ZNF430: variants seen among roughly 807,000 people sequenced by gnomAD.
ZNF430 encodes the protein zinc finger protein 430.
Under a neutral mutation model 56.7 loss-of-function variants are expected in ZNF430, and 35 were observed. The observed-to-expected ratio is 0.62, with a 90% CI of 0.47 to 0.82. The LOEUF is 0.82. Among genes scored for constraint, ZNF430 ranks in the 40% least tolerant of loss-of-function variants. The pLI is 0.00. For missense variants in ZNF430, 574 were observed against 661.0 expected, an observed-to-expected ratio of 0.87 and a Z score of 1.44; for synonymous variants, 212 against 224.3, an observed-to-expected ratio of 0.94 and a Z score of 0.49.
intron 4 of ZNF430, 52 bp downstream of exon 4, chr19:21,034,236 A>G (rs952975491): frequency 8.0e-7 from 1 of 1,256,762 alleles, no homozygotes; most frequent in Non-Finnish European, 1.1e-6. Context: ...CCAAAAAAGA[A>G]GAAAGCCAAT....
rs761201206 is a variant in ZNF430 at position 21,059,837 on chromosome 19, T to G, written c.*1816T>G. ...ATTTATGATCTTTTCTATGAAAGAG[T>G]AAGGACATTAAAATGTAAGATGCAT... On this transcript the variant is annotated 3_prime_UTR_variant, in exon 5 of 5. Coordinates refer to ENST00000261560, the MANE Select transcript of ZNF430 (RefSeq NM_025189.4). The G allele has an allele frequency of 3.3e-5, 5 of 152,068 alleles. No homozygotes were observed. Among genetic ancestry groups the G allele is most frequent in the Non-Finnish European group, 5.9e-5 (4 of 68,014 alleles). The allele number at this position is 152,068 out of a possible 1,614,324, so 9.4% of individuals were successfully genotyped here.
At chr19:21,023,559 G>T (rs955442862) in intron 2 of ZNF430, among the ~76,000 whole-genome samples, 1 of 151,988 alleles carries the variant, frequency 6.6e-6, no homozygotes. Context: ...GTTTTTTATG[G>T]CTGGGTGATT....
At chr19:21,055,164 CA>C (rs1278558904) in intron 4 of ZNF430, among the ~76,000 whole-genome samples, 1 of 151,792 alleles carries the variant, frequency 6.6e-6, no homozygotes, top group Non-Finnish European at 1.5e-5. Flanking sequence ...TTAATATATA[CA>C]TTTTTTATGG....
rs73012943 is a variant in ZNF430 at position 21,020,682 on chromosome 19, G to A, written c.-119G>A. The stretch of plus-strand genomic sequence containing the variant: ...GTCCCTCGCTGTGGCCTGAGCTCCA[G>A]GTCTCGTCTTCAGCGCTCTGTGTCC... On this transcript the variant is annotated 5_prime_UTR_variant, in exon 1 of 5. Coordinates refer to ENST00000261560, the MANE Select transcript of ZNF430 (RefSeq NM_025189.4). 0.083 allele frequency: 120,800 copies of A among 1,452,402 alleles called. 5,784 individuals carry two copies. The highest frequency in any genetic ancestry group is 0.09 in the Non-Finnish European group (93,314 of 1,041,700). The allele number at this position is 1,452,402 out of a possible 1,614,324, so 90.0% of individuals were successfully genotyped here. A position where few individuals can be genotyped will look rare whatever the true frequency, so the allele number is the denominator to read the frequency against.
At chr19:21,048,697 G>A (rs1968226910) in intron 4 of ZNF430, among the ~76,000 whole-genome samples, 1 of 152,032 alleles carries the variant, frequency 6.6e-6, no homozygotes, top group Non-Finnish European at 1.5e-5. Context: ...GAGCTGTTGG[G>A]TACACCTCCC....
At chr19:21,041,587 T>C (rs1968103329) in intron 4 of ZNF430, among the ~76,000 whole-genome samples, 1 of 152,222 alleles carries the variant, frequency 6.6e-6, no homozygotes, top group South Asian at 2.1e-4. Context: ...CATGGTGGTT[T>C]ACTGCACCTA....
rs1476780310 is a variant in ZNF430, at chr19:21,022,863, G to T, written c.78G>T (p.Val26=). ...GCPGADRNLL[V]YSFYEKGPLT... ...CTGGGGCTGACAGGAATCTTCTGGT[G>T]TACTCTTTTTATGAAAAGGTAACCC... Residue 26 remains valine, a synonymous_variant, in exon 2 of 5, where the codon GTG becomes GTT. Coordinates refer to ENST00000261560, the MANE Select transcript of ZNF430 (RefSeq NM_025189.4). The T allele has an allele frequency of 6.2e-7, 1 of 1,613,514 alleles. No homozygotes were observed. The highest frequency in any genetic ancestry group is 1.7e-5 in the Admixed American group (1 of 59,998).
At chr19:21,026,000 C>A in intron 2 of ZNF430, 1 of 392,052 alleles carries the variant, frequency 2.6e-6, no homozygotes, top group Admixed American at 3.5e-5. Flanking sequence ...GTAATGTGGG[C>A]CCCAGATCCA....
Position 21,039,229 on chromosome 19 carries a change from A to G in ZNF430, c.322+5045A>G, listed in dbSNP as rs560062718. Among the ~76,000 whole-genome samples, 12 of 152,158 alleles carry G rather than the reference A, an allele frequency of 7.9e-5. No individual in the cohort carries two copies. In the East Asian group the frequency reaches 2.1e-3, roughly 27 times the overall value. On this transcript the variant is annotated intron_variant, in intron 4 of 4. Transcript: ENST00000261560. ...CTCCTGAAGTGCTGGGATTACGGGC[A>G]TGAGCCACCATGCTTGGCCTTATTT...
At chr19:21,024,712 G>A (rs1251010043) in intron 2 of ZNF430, among the ~76,000 whole-genome samples, 9 of 151,908 alleles carry the variant, frequency 5.9e-5, no homozygotes, top group South Asian at 4.2e-4. Context: ...CCCAGGAGGT[G>A]GAGCTGGCAG....
intron 4 of ZNF430, among the ~76,000 whole-genome samples, chr19:21,046,317 CAAAAAA>C (rs60881206): frequency 9.1e-6 from 1 of 110,122 alleles, no homozygotes; most frequent in African/African-American, 3.9e-5. Context: ...GACTCCATCT[CAAAAAA>C]AAAAAAAAAA....
Position 21,057,695 on chromosome 19 carries a change from G to A in ZNF430, c.1387G>A (p.Gly463Ser). ...GEKPYKCEEC[G>S]KAFNRSPKLT... Reference sequence around the variant, plus strand: ...GAAACCCTACAAATGTGAAGAATGTGGCAAAGCCTTTAACCGGTCCCCAAA... The same window carrying A: ...GAAACCCTACAAATGTGAAGAATGTAGCAAAGCCTTTAACCGGTCCCCAAA... The change falls in exon 5 of 5, where the codon GGC becomes AGC. Residue 463 changes from glycine to serine, a missense_variant. By Grantham distance (56) the Gly-to-Ser change is moderately conservative. Around this residue, in one of 3 missense-constraint regions of ZNF430, gnomAD observed 213 missense variants for 221.0 expected, o/e 0.96. Coordinates refer to ENST00000261560, the MANE Select transcript of ZNF430 (RefSeq NM_025189.4). 1 of 1,608,748 alleles carries A rather than the reference G, an allele frequency of 6.2e-7. No homozygotes were observed. The highest frequency in any genetic ancestry group is 8.5e-7 in the Non-Finnish European group (1 of 1,177,848).
At chr19:21,039,042 C>T (rs536092844) in intron 4 of ZNF430, among the ~76,000 whole-genome samples, 5 of 152,146 alleles carry the variant, frequency 3.3e-5, no homozygotes, top group East Asian at 3.9e-4. Context: ...CTCCGCCTCC[C>T]GGGTTCAAGG....
chr19:21,028,747 G>A (rs1438587640), intron 2 of ZNF430, among the ~76,000 whole-genome samples: 4 of 151,924 alleles, frequency 2.6e-5, no homozygotes, highest in East Asian at 1.9e-4. Context: ...GTGCAGTGGC[G>A]CGATCTCGGC....
chr19:21,021,361 T>A (rs1227568780), intron 1 of ZNF430, among the ~76,000 whole-genome samples: 1 of 151,884 alleles, frequency 6.6e-6, no homozygotes, highest in East Asian at 1.9e-4. Context: ...TTGCCGGGCA[T>A]GGTGGTACAC....
At chr19:21,043,641 C>G (rs943464942) in intron 4 of ZNF430, among the ~76,000 whole-genome samples, 1 of 152,008 alleles carries the variant, frequency 6.6e-6, no homozygotes, top group African/African-American at 2.4e-5. Context: ...ATAGTTTTTT[C>G]TAATTCTGTG....
At chr19:21,029,849 C>A (rs1313587134) in intron 2 of ZNF430, among the ~76,000 whole-genome samples, 3 of 152,122 alleles carry the variant, frequency 2.0e-5, no homozygotes, top group Admixed American at 2.0e-4. Flanking sequence ...CCTGTAATCC[C>A]AGCTGCTCAG....
chr19:21,041,845 C>G (rs1412348096), intron 4 of ZNF430, among the ~76,000 whole-genome samples: 3 of 152,198 alleles, frequency 2.0e-5, no homozygotes, highest in Non-Finnish European at 4.4e-5. Context: ...TCCCAAGTAG[C>G]TGGGATTACA....
Position 21,058,319 on chromosome 19 carries a change from C to G in ZNF430, c.*298C>G, listed in dbSNP as rs952101482. On this transcript the variant is annotated 3_prime_UTR_variant, in exon 5 of 5. Coordinates refer to ENST00000261560, the MANE Select transcript of ZNF430 (RefSeq NM_025189.4). ...ATTAGCCATGCGTAGTGGTGCATGC[C>G]TGTAATCCCAGCTACTCGGGAGGCT... 1.5e-5 allele frequency: 4 copies of G among 266,752 alleles called. No homozygotes were observed. In the East Asian group the frequency reaches 3.3e-4, roughly 22 times the overall value. 16.5% of individuals were successfully genotyped at this position (266,752 alleles called of 1,614,324 possible).
Sources: gnomAD v4.1 joint callset for allele counts (sites outside exome capture counted in the v4.1 genomes callset) on GRCh38, gnomAD v4.1.1 for gene constraint, gnomAD v4.1.1 regional missense constraint, MANE v1.5 for transcripts, NCBI Gene and HGNC (gene_info 2026-07-23, HGNC 2026-07-21) for gene names.